The following PODN variants were observed in gnomAD, a reference collection of about 807,000 sequenced individuals.
The protein encoded by PODN is podocan proteoglycan.
A neutral mutation model predicts 52.7 loss-of-function variants in PODN; 40 were observed. The ratio of observed to expected loss-of-function variants is 0.76; its 90% CI spans 0.59 to 0.99. The LOEUF (loss-of-function observed/expected upper bound fraction) is 0.99. Among genes scored for constraint, PODN ranks in the 50% least tolerant of loss-of-function variants. The pLI, the probability that PODN is intolerant of heterozygous loss-of-function variation, is 0.00. For missense variants in PODN, 720 were observed against 815.1 expected (o/e 0.88, Z 1.42); for synonymous variants, 396 against 377.9 (o/e 1.05, Z -0.56).
chr1:53,062,421 C>T (rs1643971296), intron 1 of PODN, 113 bp downstream of exon 1: 17 of 768,406 alleles, frequency 2.2e-5, no homozygotes, highest in Non-Finnish European at 3.0e-5. Flanking sequence ...GGGGCGGGCC[C>T]GCCGCATCTC....
chr1:53,079,986 C>T (rs1057045059), intron 8 of PODN, among the ~76,000 whole-genome samples: 104 of 122,186 alleles, frequency 8.5e-4, no homozygotes, highest in African/African-American at 3.3e-3. Context: ...CAGAGTGAGA[C>T]GCTGTCTCAA....
intron 10 of PODN, among the ~76,000 whole-genome samples, chr1:53,083,776 G>T (rs1212626600): frequency 6.6e-6 from 1 of 152,154 alleles, no homozygotes; most frequent in Non-Finnish European, 1.5e-5. Context: ...AGATAGGAGG[G>T]CTGGTGGGCA....
rs1427254820 is a variant in PODN, at chr1:53,075,925, C to A, written c.535C>A (p.Leu179Ile). The A allele has an allele frequency of 1.2e-6, 2 of 1,605,800 alleles. No individual in the cohort carries two copies. Among genetic ancestry groups the A allele is most frequent in the Non-Finnish European group, 8.5e-7 (1 of 1,175,436 alleles). The change falls in exon 5 of 11, where the codon CTC becomes ATC. Residue 179 changes from leucine to isoleucine, a missense_variant. By Grantham distance (5) the Leu-to-Ile change is conservative. Coordinates refer to ENST00000312553, the MANE Select transcript of PODN (RefSeq NM_153703.5). Reference protein sequence around the residue: ...LISVDFAANYLTKIYGLTFGQ... With the variant: ...LISVDFAANYITKIYGLTFGQ... ...CAGTGTGGACTTTGCTGCCAACTAT[C>A]TCACCAAGATCTATGGGCTCACCTT...
chr1:53,076,434 AC>A (rs1350793495), intron 5 of PODN, among the ~76,000 whole-genome samples: 3 of 152,068 alleles, frequency 2.0e-5, no homozygotes. Flanking sequence ...CTGTCTGAGG[AC>A]CCAGGACCAC....
rs765342527 is a variant in PODN, at chr1:53,080,849, C to T, written c.1634C>T (p.Thr545Met). Residue 545 changes from threonine (T) to methionine (M), a missense_variant, in exon 9 of 11, where the codon ACG (threonine) becomes ATG (methionine). By Grantham distance (81) the Thr-to-Met change is moderately conservative. Transcript: ENST00000312553. Reference sequence around the variant, plus strand: ...GTGCCCGCCAATGCCTTCGACTCCACGCCCAACCTCAAGGGGATCTTTCTC... The same window carrying T: ...GTGCCCGCCAATGCCTTCGACTCCATGCCCAACCTCAAGGGGATCTTTCTC... Reference protein sequence around the residue: ...SAVPANAFDSTPNLKGIFLRF... With the variant: ...SAVPANAFDSMPNLKGIFLRF... 137 of 1,614,020 alleles carry T rather than the reference C, an allele frequency of 8.5e-5. No individual in the cohort carries two copies. Among genetic ancestry groups the T allele is most frequent in the Admixed American group, 6.7e-4 (40 of 60,002 alleles).
At position 53,077,705 on chromosome 1, in the gene PODN, C is replaced by G. The variant is rs776017024; in HGVS notation, c.759C>G (p.Ile253Met). 1.2e-6 allele frequency: 2 copies of G among 1,612,318 alleles called. No homozygotes were observed. Among genetic ancestry groups the G allele is most frequent in the Non-Finnish European group, 1.7e-6 (2 of 1,179,388 alleles). Residue 253 changes from isoleucine to methionine, a missense_variant, in exon 7 of 11, where the codon ATC becomes ATG. Ile to Met is a conservative substitution (Grantham distance 10, BLOSUM62 1). Coordinates refer to ENST00000312553, the MANE Select transcript of PODN (RefSeq NM_153703.5). ...CCCAGAACAACAAGCTGGAGAAGAT[C>G]CCCCCGGGGGCCTTCAGCGAGCTGA... ...LHLKNNKLEKIPPGAFSELSS... is the reference protein window; with the variant it reads ...LHLKNNKLEKMPPGAFSELSS...
intron 3 of PODN, among the ~76,000 whole-genome samples, chr1:53,072,188 T>A (rs1644129940): frequency 6.6e-6 from 1 of 152,018 alleles, no homozygotes; most frequent in Admixed American, 6.5e-5. Flanking sequence ...TACCTTTGCA[T>A]GAGTTAAAAT....
At position 53,080,728 on chromosome 1, in the gene PODN, C is replaced by T. The variant is rs1644282541; in HGVS notation, c.1513C>T (p.Leu505=). ...CTGACTCCCTTGGTCACCCCTGCAG[C>T]TGCTGGACATCGCCGGGAATCAGCT... The part of the protein sequence containing the change: ...RAWVDLAHLQ[L]LDIAGNQLTE... The change falls in exon 9 of 11, where the codon CTG becomes TTG. Residue 505 remains leucine, a splice_region_variant and synonymous_variant. Coordinates refer to ENST00000312553, the MANE Select transcript of PODN (RefSeq NM_153703.5). 6.2e-7 allele frequency: 1 copy of T among 1,613,532 alleles called. No homozygotes were observed. Among genetic ancestry groups the T allele is most frequent in the African/African-American group, 1.3e-5 (1 of 74,936 alleles).
At chr1:53,062,335 G>T in intron 1 of PODN, 27 bp downstream of exon 1, 1 of 1,238,926 alleles carries the variant, frequency 8.1e-7, no homozygotes, top group Non-Finnish European at 1.0e-6. Flanking sequence ...GCCGGGGTGG[G>T]CCGAGGGGCC....
At chr1:53,079,226 G>A (rs894052669) in intron 8 of PODN, among the ~76,000 whole-genome samples, 5 of 152,254 alleles carry the variant, frequency 3.3e-5, no homozygotes, top group Admixed American at 1.3e-4. Context: ...GAGGCAGGAG[G>A]TGGGTCAGGC....
At chr1:53,081,828 C>T (rs868567028) in intron 9 of PODN, among the ~76,000 whole-genome samples, 153 bp from the exon 10 acceptor site, 2 of 152,236 alleles carry the variant, frequency 1.3e-5, no homozygotes, top group Admixed American at 1.3e-4. Context: ...CCATCATGTA[C>T]TGCGCTCTCA....
At chr1:53,073,865 T>C (rs1644155231) in intron 3 of PODN, 1 of 152,264 alleles carries the variant, frequency 6.6e-6, no homozygotes, top group Non-Finnish European at 1.5e-5. Context: ...AGTGGTCTTT[T>C]TTCCTTTGTG....
chr1:53,063,496 C>G, intron 1 of PODN: 1 of 985,556 alleles, frequency 1.0e-6, no homozygotes, highest in Non-Finnish European at 1.2e-6. Context: ...AAGGCAGCGG[C>G]GAGGCAGGAG....
intron 1 of PODN, among the ~76,000 whole-genome samples, chr1:53,065,596 C>A (rs1644020136): frequency 6.6e-6 from 1 of 152,190 alleles, no homozygotes. Flanking sequence ...TCACCTGTCC[C>A]AATTGCGCAC....
intron 8 of PODN, among the ~76,000 whole-genome samples, chr1:53,080,329 C>T (rs1418379584): frequency 6.6e-6 from 1 of 152,212 alleles, no homozygotes; most frequent in Non-Finnish European, 1.5e-5. Context: ...CTGGGGGATC[C>T]CTGGGCTCTG....
In PODN at chr1:53,069,826, G is replaced by C; in HGVS notation, c.-30G>C. ...GTTCCGTCAGCCCTGGCGCCCAGGC[G>C]CATCTGACTCGGCACCCCCTGCAGG... On this transcript the variant is annotated 5_prime_UTR_variant, in exon 2 of 11. Transcript: ENST00000312553. 1 of 1,581,946 alleles carries C rather than the reference G, an allele frequency of 6.3e-7. No individual in the cohort carries two copies. The highest frequency in any genetic ancestry group is 8.6e-7 in the Non-Finnish European group (1 of 1,164,726).
At position 53,078,446 on chromosome 1, in the gene PODN, G is replaced by T. The variant is rs141453355; in HGVS notation, c.936G>T (p.Val312=). The T allele has an allele frequency of 6.2e-7, 1 of 1,613,410 alleles. No individual in the cohort carries two copies. Among genetic ancestry groups the T allele is most frequent in the African/African-American group, 1.3e-5 (1 of 75,026 alleles). Residue 312 remains valine, a synonymous_variant, in exon 8 of 11, where the codon GTG becomes GTT. Coordinates refer to ENST00000312553, the MANE Select transcript of PODN (RefSeq NM_153703.5). The stretch of plus-strand genomic sequence containing the variant: ...CAGCTGGGCTGCCGCGCAGCCTGGT[G>T]CTGCTGCACTTGGAGAAGAACGCCA... The part of the protein sequence containing the change: ...RVPAGLPRSL[V]LLHLEKNAIR...
At position 53,082,041 on chromosome 1, in the gene PODN, G is replaced by T; in HGVS notation, c.1722G>T (p.Leu574=). 6.2e-7 allele frequency: 1 copy of T among 1,613,798 alleles called. No homozygotes were observed. The highest frequency in any genetic ancestry group is 8.5e-7 in the Non-Finnish European group (1 of 1,179,864). Residue 574 remains leucine (L), a synonymous_variant, in exon 10 of 11, where the codon CTG becomes CTT. Coordinates refer to ENST00000312553, the MANE Select transcript of PODN (RefSeq NM_153703.5). ...VDSAFRRLKH[L]QVLDIEGNLE... ...GTGCCTTCCGGAGGCTGAAGCACCT[G>T]CAGGTCTTGGACATTGAAGGCAACT... is the stretch of plus-strand genomic sequence containing the variant.
intron 5 of PODN, among the ~76,000 whole-genome samples, chr1:53,076,879 C>T (rs369457062): frequency 2.0e-5 from 3 of 152,084 alleles, no homozygotes; most frequent in Admixed American, 2.0e-4. Flanking sequence ...GGCCGCGAGT[C>T]AGGCAAGGAC....
Sources: gnomAD v4.1 joint callset for allele counts (sites outside exome capture counted in the v4.1 genomes callset) on GRCh38, gnomAD v4.1.1 for gene constraint, MANE v1.5 for transcripts, NCBI Gene and HGNC (gene_info 2026-07-23, HGNC 2026-07-21) for gene names.